Variants in DESI2 observed in about 807,000 individuals in gnomAD.
DESI2 encodes deubiquitinase DESI2.
A neutral mutation model predicts 24.1 loss-of-function variants in DESI2; 10 were observed. The observed-to-expected ratio is 0.41, with a 90% CI of 0.26 to 0.70. DESI2 has a LOEUF of 0.70. Among genes scored for constraint, DESI2 ranks in the 30% least tolerant of loss-of-function variants. The probability of loss-of-function intolerance (pLI) is 0.29; values close to 1 mark genes in which losing one functional copy is unlikely to be tolerated. For synonymous variants in DESI2, 71 were observed against 87.7 expected, an observed-to-expected ratio of 0.81 and a Z score of 1.06; for missense variants, 122 against 234.9, an observed-to-expected ratio of 0.52 and a Z score of 3.14.
chr1:244,667,109 A>T (rs769492577), intron 1 of DESI2, among the ~76,000 whole-genome samples: 1 of 152,138 alleles, frequency 6.6e-6, no homozygotes, highest in African/African-American at 2.4e-5. Flanking sequence ...TGGTCCCTCC[A>T]AATCTCATGT....
intron 1 of DESI2, among the ~76,000 whole-genome samples, chr1:244,674,624 G>C (rs2148794316): frequency 6.6e-6 from 1 of 152,306 alleles, no homozygotes; most frequent in East Asian, 1.9e-4. Flanking sequence ...GGTCTTTTGT[G>C]ATTGGCTTCT....
At chr1:244,690,588 C>T (rs550053491) in intron 3 of DESI2, among the ~76,000 whole-genome samples, 22 of 151,874 alleles carry the variant, frequency 1.4e-4, no homozygotes, top group African/African-American at 5.3e-4. Flanking sequence ...GCCTGTAATC[C>T]CAGCTACTCG....
intron 1 of DESI2, among the ~76,000 whole-genome samples, chr1:244,654,215 G>T (rs1269905143): frequency 6.6e-6 from 1 of 152,182 alleles, no homozygotes; most frequent in East Asian, 1.9e-4. Flanking sequence ...GCATGTTTGG[G>T]TGTGTTTGCT....
intron 2 of DESI2, among the ~76,000 whole-genome samples, chr1:244,688,046 T>G (rs1676884021): frequency 6.6e-6 from 1 of 152,230 alleles, no homozygotes; most frequent in African/African-American, 2.4e-5. Flanking sequence ...CCAAATGTTC[T>G]TGTATGCTAG....
rs1191340275 is a variant in DESI2, at chr1:244,701,212, TCCACCCCCCCCC to T, written c.352-4341_352-4330del. ...AGGGCATGACTGGACCACCTTCCCC[TCCACCCCCCCCC>T]CCCCCCCCCCGCCCTTTTAACTGCT... is the stretch of plus-strand genomic sequence containing the variant. On this transcript the variant is annotated intron_variant, in intron 4 of 4. Transcript: ENST00000302550. Among the ~76,000 whole-genome samples, 11 of 57,720 alleles carry T rather than the reference TCCACCCCCCCCC, an allele frequency of 1.9e-4. 2 individuals are homozygous for T. The highest frequency in any genetic ancestry group is 1.3e-3 in the African/African-American group (11 of 8,292). The allele number at this position is 57,720 out of a possible 152,430, so 37.9% of individuals were successfully genotyped here. A position where few individuals can be genotyped will look rare whatever the true frequency, so the allele number is the denominator to read the frequency against.
intron 1 of DESI2, among the ~76,000 whole-genome samples, chr1:244,659,888 A>G (rs927009198): frequency 1.3e-5 from 2 of 152,228 alleles, no homozygotes; most frequent in Non-Finnish European, 2.9e-5. Flanking sequence ...TCGACTTGGC[A>G]TAGAATAAAT....
chr1:244,700,956 T>G (rs1395800734), intron 4 of DESI2, among the ~76,000 whole-genome samples: 1 of 152,200 alleles, frequency 6.6e-6, no homozygotes, highest in Non-Finnish European at 1.5e-5. Context: ...TGGAATTTAT[T>G]TCTATGTGGT....
Position 244,670,878 on chromosome 1 carries a change from C to T in DESI2, c.43-15719C>T, listed in dbSNP as rs573790997. On this transcript the variant is annotated intron_variant, in intron 1 of 4. Coordinates refer to ENST00000302550, the MANE Select transcript of DESI2 (RefSeq NM_016076.5). ...CAAATGCTTCAATTTGTGTTAGTTA[C>T]AATACTTGGATAATCTTTTTTAAAT... 2.0e-5 allele frequency among the ~76,000 whole-genome samples: 3 copies of T among 152,232 alleles called. No individual in the cohort carries two copies. In the East Asian group the frequency reaches 5.8e-4, roughly 29 times the overall value.
chr1:244,693,297 A>G (rs773704319), intron 4 of DESI2, among the ~76,000 whole-genome samples: 2 of 152,152 alleles, frequency 1.3e-5, no homozygotes, highest in Non-Finnish European at 2.9e-5. Flanking sequence ...GAGCATCTAT[A>G]CCACCACATC....
chr1:244,666,569 C>T (rs1676054367), intron 1 of DESI2, among the ~76,000 whole-genome samples: 1 of 152,162 alleles, frequency 6.6e-6, no homozygotes, highest in Non-Finnish European at 1.5e-5. Flanking sequence ...TTTAAATGAA[C>T]TTCTTTAGAA....
chr1:244,693,043 T>G (rs1677083219), intron 4 of DESI2, among the ~76,000 whole-genome samples: 1 of 152,144 alleles, frequency 6.6e-6, no homozygotes, highest in Non-Finnish European at 1.5e-5. Flanking sequence ...GGCATTACAT[T>G]TGTATGGAAT....
intron 1 of DESI2, 200 bp downstream of exon 1, chr1:244,653,555 GC>G (rs1267734491): frequency 1.8e-6 from 1 of 561,480 alleles, no homozygotes; most frequent in Non-Finnish European, 3.0e-6. Context: ...AACCCAGTCA[GC>G]CCGAGGGTTT....
chr1:244,668,287 A>G (rs1676116975), intron 1 of DESI2, among the ~76,000 whole-genome samples: 1 of 152,196 alleles, frequency 6.6e-6, no homozygotes, highest in South Asian at 2.1e-4. Context: ...TCTTTCTAGA[A>G]TAGTGTTTCT....
intron 1 of DESI2, chr1:244,653,690 A>G (rs983972893): frequency 9.5e-6 from 4 of 419,818 alleles, no homozygotes; most frequent in Non-Finnish European, 1.7e-5. Context: ...TTGCGTTTCC[A>G]ACCCCACTTG....
In DESI2 at chr1:244,705,771, G is replaced by A; in HGVS notation, c.567G>A (p.Gly189=). The A allele has an allele frequency of 6.2e-7, 1 of 1,610,662 alleles. No homozygotes were observed. Among genetic ancestry groups the A allele is most frequent in the Non-Finnish European group, 8.5e-7 (1 of 1,179,680 alleles). ...VASTAAGSRP[G]RHTKL is the part of the protein sequence containing the mutation. Reference sequence around the variant, plus strand: ...GCACTGCAGCAGGCTCCAGACCCGGGCGCCACACTAAACTATAAATGTCTC... The same window carrying A: ...GCACTGCAGCAGGCTCCAGACCCGGACGCCACACTAAACTATAAATGTCTC... The change falls in exon 5 of 5, where the codon GGG becomes GGA. Residue 189 remains glycine, a synonymous_variant. Transcript: ENST00000302550.
At chr1:244,692,660 A>G (rs1399480572) in intron 4 of DESI2, among the ~76,000 whole-genome samples, 1 of 152,204 alleles carries the variant, frequency 6.6e-6, no homozygotes, top group African/African-American at 2.4e-5. Flanking sequence ...TGAAGGGTGT[A>G]AAGGAGAGAA....
intron 1 of DESI2, among the ~76,000 whole-genome samples, chr1:244,666,533 G>A (rs569913424): frequency 4.7e-4 from 71 of 152,208 alleles, no homozygotes; most frequent in Admixed American, 3.9e-4. Context: ...ATATTGTATC[G>A]TGTTCTCAAG....
Position 244,705,615 on chromosome 1 carries a change from T to A in DESI2, c.411T>A (p.Cys137Ter). 1 of 1,614,188 alleles carries A rather than the reference T, an allele frequency of 6.2e-7. No individual in the cohort carries two copies. Among genetic ancestry groups the A allele is most frequent in the Non-Finnish European group, 8.5e-7 (1 of 1,180,028 alleles). ...WINRLAYFSS[C>*]IPFLQSCLPK... ...ATCGACTTGCCTACTTCAGCTCCTGTATACCCTTTCTACAGAGTTGCCTCC... is the reference window on the plus strand; with the variant it reads ...ATCGACTTGCCTACTTCAGCTCCTGAATACCCTTTCTACAGAGTTGCCTCC... Residue 137 changes from cysteine (C) to a stop codon, truncating the protein, a stop_gained, in exon 5 of 5, where the codon TGT becomes TGA. Coordinates refer to ENST00000302550, the MANE Select transcript of DESI2 (RefSeq NM_016076.5). LOFTEE classifies it high-confidence loss of function.
chr1:244,665,166 AT>A (rs754865183), intron 1 of DESI2, among the ~76,000 whole-genome samples: 3,384 of 146,688 alleles, frequency 0.023, 40 homozygotes, highest in Non-Finnish European at 0.031. Context: ...TTAATACCTG[AT>A]TTTTTTTTTT....
Sources: allele counts gnomAD v4.1 joint callset (sites outside exome capture counted in the v4.1 genomes callset), GRCh38; gene constraint gnomAD v4.1.1; transcripts MANE v1.5; gene names NCBI Gene and HGNC (gene_info 2026-07-23, HGNC 2026-07-21).